Variants in NR2C2 observed in about 807,000 individuals in gnomAD.
NR2C2 encodes the protein Nuclear hormone receptor TR4.
Under a neutral mutation model 62.9 loss-of-function variants are expected in NR2C2, and 6 were observed. That is an observed-to-expected ratio of 0.10 (90% CI 0.05 to 0.19). The LOEUF (loss-of-function observed/expected upper bound fraction) is 0.19. Among genes scored for constraint, NR2C2 ranks in the 10% least tolerant of loss-of-function variants. The pLI, the probability that NR2C2 is intolerant of heterozygous loss-of-function variation, is 1.00. For synonymous variants in NR2C2, 272 were observed against 273.8 expected (o/e 0.99, Z 0.07); for missense variants, 479 against 762.7 (o/e 0.63, Z 4.38).
chr3:15,046,394 C>G lies in NR2C2; in HGVS notation c.*3386C>G, dbSNP rs889625256. ...ATCTCAAGGCAATATCCACGCTACA[C>G]ACATACTTATTAGCTGTCTTACTTG... On this transcript the variant is annotated 3_prime_UTR_variant, in exon 14 of 14. Coordinates refer to ENST00000425241, the MANE Select transcript of NR2C2 (RefSeq NM_001291694.2). 6.6e-6 allele frequency: 1 copy of G among 152,246 alleles called. No individual in the cohort carries two copies. Among genetic ancestry groups the G allele is most frequent in the Non-Finnish European group, 1.5e-5 (1 of 68,044 alleles). 9.4% of individuals were successfully genotyped at this position (152,246 alleles called of 1,614,324 possible).
At chr3:15,011,479 G>A (rs2041351082) in intron 2 of NR2C2, among the ~76,000 whole-genome samples, 1 of 152,222 alleles carries the variant, frequency 6.6e-6, no homozygotes, top group Non-Finnish European at 1.5e-5. Flanking sequence ...GCCTGTGTCT[G>A]CAATCTTTCA....
chr3:14,966,288 C>CT (rs917234596), intron 1 of NR2C2, among the ~76,000 whole-genome samples: 1 of 152,132 alleles, frequency 6.6e-6, no homozygotes, highest in East Asian at 1.9e-4. Context: ...CCAGAGCTCT[C>CT]TAACGGGATA....
At chr3:15,014,633 T>C (rs2041454202) in intron 3 of NR2C2, among the ~76,000 whole-genome samples, 1 of 152,122 alleles carries the variant, frequency 6.6e-6, no homozygotes. Flanking sequence ...TCTGTACTCA[T>C]TGAATAGTAA....
chr3:14,953,573 G>C (rs1328108843), intron 1 of NR2C2, among the ~76,000 whole-genome samples: 1 of 152,066 alleles, frequency 6.6e-6, no homozygotes, highest in Non-Finnish European at 1.5e-5. Flanking sequence ...TTTCCTACCT[G>C]ACTGCCCACC....
intron 3 of NR2C2, 73 bp downstream of exon 3, chr3:15,013,862 G>A: frequency 6.7e-7 from 1 of 1,484,396 alleles, no homozygotes; most frequent in Non-Finnish European, 9.3e-7. Flanking sequence ...TCTTACATCT[G>A]CCTTCGAGGC....
intron 1 of NR2C2, among the ~76,000 whole-genome samples, chr3:14,950,954 A>T (rs1478304985): frequency 6.6e-6 from 1 of 152,244 alleles, no homozygotes; most frequent in Non-Finnish European, 1.5e-5. Flanking sequence ...CAGATATGCC[A>T]CTTTCTGGAG....
At chr3:15,000,668 C>T (rs1378090241) in intron 1 of NR2C2, among the ~76,000 whole-genome samples, 2 of 152,122 alleles carry the variant, frequency 1.3e-5, no homozygotes, top group Admixed American at 6.5e-5. Context: ...CCCATGCATT[C>T]CCATATGAAT....
chr3:15,042,734 T>G (rs1389353861), intron 13 of NR2C2, 100 bp from the exon 14 acceptor site: 2 of 1,040,934 alleles, frequency 1.9e-6, no homozygotes, highest in African/African-American at 1.6e-5. Context: ...TCCGTTTGGT[T>G]TGATTCTGTG....
intron 1 of NR2C2, among the ~76,000 whole-genome samples, chr3:14,968,518 C>A (rs1395007012): frequency 1.3e-5 from 2 of 151,036 alleles, no homozygotes; most frequent in African/African-American, 4.9e-5. Flanking sequence ...GAAATAGGAA[C>A]CCTTTTACAC....
intron 1 of NR2C2, among the ~76,000 whole-genome samples, chr3:14,967,488 G>GC (rs2039891495): frequency 6.6e-6 from 1 of 151,966 alleles, no homozygotes; most frequent in Non-Finnish European, 1.5e-5. Flanking sequence ...GGGAATGTCA[G>GC]CCAAATGTCC....
chr3:15,040,421 GAC>G (rs2042224928), intron 13 of NR2C2, among the ~76,000 whole-genome samples: 2 of 152,228 alleles, frequency 1.3e-5, no homozygotes, highest in Admixed American at 6.5e-5. Context: ...AGCCTGGGAA[GAC>G]ACACAGGCCC....
chr3:14,958,097 C>A (rs867273261), intron 1 of NR2C2, among the ~76,000 whole-genome samples: 1 of 152,216 alleles, frequency 6.6e-6, no homozygotes, highest in Non-Finnish European at 1.5e-5. Context: ...CATTGGTTCT[C>A]ACAGGCAGAG....
chr3:15,040,335 G>A lies in NR2C2; in HGVS notation c.1616+1108G>A, dbSNP rs552881991. Among the ~76,000 whole-genome samples, 3 of 152,270 alleles carry A rather than the reference G, an allele frequency of 2.0e-5. No homozygotes were observed. In the South Asian group the frequency reaches 6.2e-4, roughly 32 times the overall value. ...TACCAGAAGCTACATGAATTTCTGA[G>A]ACCCTTTCAAGTAAAGTATTTCCTG... On this transcript the variant is annotated intron_variant, in intron 13 of 13. Transcript: ENST00000425241.
intron 1 of NR2C2, among the ~76,000 whole-genome samples, chr3:14,971,687 A>G (rs1454310372): frequency 2.6e-5 from 4 of 151,626 alleles, no homozygotes; most frequent in Non-Finnish European, 2.9e-5. Flanking sequence ...ACCCTAATGG[A>G]TGTAAAGTGA....
intron 1 of NR2C2, among the ~76,000 whole-genome samples, chr3:14,999,769 C>A (rs1171093134): frequency 6.6e-6 from 1 of 151,870 alleles, no homozygotes; most frequent in African/African-American, 2.4e-5. Flanking sequence ...CTGTTCTTTG[C>A]CTATTGAATT....
At chr3:14,964,609 G>C (rs1385950119) in intron 1 of NR2C2, among the ~76,000 whole-genome samples, 3 of 151,956 alleles carry the variant, frequency 2.0e-5, no homozygotes, top group Non-Finnish European at 4.4e-5. Context: ...CTGCTTCCCA[G>C]GTTCACGCCA....
intron 1 of NR2C2, among the ~76,000 whole-genome samples, chr3:14,997,587 C>G (rs1046960638): frequency 1.3e-5 from 2 of 152,172 alleles, no homozygotes; most frequent in African/African-American, 4.8e-5. Flanking sequence ...CACCATACCT[C>G]CTATAAAATG....
rs2042508008 is a variant in NR2C2, at chr3:15,047,781, A to C, written c.*4773A>C. 6.6e-6 allele frequency: 1 copy of C among 152,260 alleles called. No individual in the cohort carries two copies. Among genetic ancestry groups the C allele is most frequent in the Admixed American group, 6.5e-5 (1 of 15,284 alleles). The allele number at this position is 152,260 out of a possible 1,614,324, so 9.4% of individuals were successfully genotyped here. On this transcript the variant is annotated 3_prime_UTR_variant, in exon 14 of 14. Transcript: ENST00000425241. ...GGCTAACTTCTGCGGCATATAAGCT[A>C]CAGATCTCAAGTTACTTCTCTAACT...
At chr3:15,031,723 C>G (rs62240390) in intron 9 of NR2C2, among the ~76,000 whole-genome samples, 10,908 of 151,854 alleles carry the variant, frequency 0.072, 428 homozygotes, top group Middle Eastern at 0.099. Flanking sequence ...TGAAGTTGGC[C>G]CCTGTTACCC....
Sources: allele counts gnomAD v4.1 joint callset (sites outside exome capture counted in the v4.1 genomes callset), GRCh38; gene constraint gnomAD v4.1.1; transcripts MANE v1.5; gene names NCBI Gene and HGNC (gene_info 2026-07-23, HGNC 2026-07-21).